Variants in PLBD2 observed in about 807,000 individuals in gnomAD.
PLBD2 encodes putative aminopeptidase PLBD2.
PLBD2 carries 51 observed loss-of-function variants against 68.3 expected under a neutral mutation model. The observed-to-expected ratio is 0.75, with a 90% CI of 0.60 to 0.94. The LOEUF is 0.94. Ranked by LOEUF, PLBD2 falls within the 40% of genes least tolerant of loss-of-function variation. PLBD2 has a pLI of 0.00. For synonymous variants in PLBD2, 314 were observed against 339.3 expected (o/e 0.93, Z 0.82); for missense variants, 729 against 792.2 (o/e 0.92, Z 0.96).
At chr12:113,369,039 T>A (rs1957365057) in intron 1 of PLBD2, 77 bp from the exon 2 acceptor site, 1 of 955,982 alleles carries the variant, frequency 1.0e-6, no homozygotes, top group Admixed American at 2.4e-5. Flanking sequence ...GTTGTTTTCA[T>A]AGTTTAAGCC....
At chr12:113,360,356 G>T (rs1303362647) in intron 1 of PLBD2, among the ~76,000 whole-genome samples, 1 of 152,188 alleles carries the variant, frequency 6.6e-6, no homozygotes. Flanking sequence ...GCAGAATCAA[G>T]AGGACATGAC....
At position 113,374,534 on chromosome 12, in the gene PLBD2, T is replaced by G. The variant is rs1223741084; in HGVS notation, c.604T>G (p.Phe202Val). ...LEDSYEGRVSFPAGKFTIKPL... is the reference protein window; with the variant it reads ...LEDSYEGRVSVPAGKFTIKPL... ...GGACAGCTACGAAGGCCGTGTGAGC[T>G]TCCCAGCTGGGAAGTTCACCATCAA... The change falls in exon 4 of 12, where the codon TTC becomes GTC. Residue 202 changes from phenylalanine to valine, a missense_variant. Coordinates refer to ENST00000280800, the MANE Select transcript of PLBD2 (RefSeq NM_173542.4). 6.2e-7 allele frequency: 1 copy of G among 1,606,230 alleles called. No individual in the cohort carries two copies. Among genetic ancestry groups the G allele is most frequent in the Non-Finnish European group, 8.5e-7 (1 of 1,176,808 alleles).
rs1292840835 is a variant in PLBD2, at chr12:113,372,575, C to T, written c.385-74C>T. 6.6e-7 allele frequency: 1 copy of T among 1,521,404 alleles called. No homozygotes were observed. The highest frequency in any genetic ancestry group is 1.4e-5 in the African/African-American group (1 of 73,118). The allele number at this position is 1,521,404 out of a possible 1,614,324, so 94.2% of individuals were successfully genotyped here. Reference sequence around the variant, plus strand: ...ACCAGCAGCCTCCGCTCTGGGGCAGCCTGGGTGGGGGGCTCTCAGGGAAGA... The same window carrying T: ...ACCAGCAGCCTCCGCTCTGGGGCAGTCTGGGTGGGGGGCTCTCAGGGAAGA... On this transcript the variant is annotated intron_variant, in intron 2 of 11. Coordinates refer to ENST00000280800, the MANE Select transcript of PLBD2 (RefSeq NM_173542.4). The surrounding 1 kb of genome is among the most constrained non-coding windows in gnomAD (Gnocchi z 4.2).
At position 113,388,565 on chromosome 12, in the gene PLBD2, T is replaced by G. The variant is rs1226503932; in HGVS notation, c.1709T>G (p.Leu570Arg). 5 of 1,611,146 alleles carry G rather than the reference T, an allele frequency of 3.1e-6. No individual in the cohort carries two copies. The highest frequency in any genetic ancestry group is 4.2e-6 in the Non-Finnish European group (5 of 1,178,400). Residue 570 changes from leucine to arginine, a missense_variant, in exon 12 of 12, where the codon CTG (leucine) becomes CGG (arginine). Transcript: ENST00000280800. ...FQWSTSPFSG[L>R]LHMGQPDLWK... ...TGGAGCACCTCGCCCTTCAGCGGCC[T>G]GCTGCACATGGGCCAGCCAGACCTC...
intron 9 of PLBD2, among the ~76,000 whole-genome samples, chr12:113,385,777 A>G (rs914635026): frequency 7.9e-5 from 12 of 152,120 alleles, no homozygotes; most frequent in Admixed American, 3.3e-4. Flanking sequence ...TTGAGACAGA[A>G]TCTTGCCCTG....
chr12:113,358,643 C>A lies in PLBD2; in HGVS notation c.43C>A (p.Arg15=). The change falls in exon 1 of 12, where the codon CGG becomes AGG. Residue 15 remains arginine, a synonymous_variant. Transcript: ENST00000280800. The stretch of plus-strand genomic sequence containing the variant: ...CTGCTACCCCGGCAGCCACCTGGCC[C>A]GGGCGCTGACGCGGGCGCTGGCGCT... ...MYCYPGSHLA[R]ALTRALALAL... The A allele has an allele frequency of 6.8e-7, 1 of 1,463,770 alleles. No individual in the cohort carries two copies. Among genetic ancestry groups the A allele is most frequent in the Non-Finnish European group, 9.0e-7 (1 of 1,115,110 alleles). The allele number at this position is 1,463,770 out of a possible 1,614,324, so 90.7% of individuals were successfully genotyped here.
intron 10 of PLBD2, 98 bp from the exon 11 acceptor site, chr12:113,387,646 G>C (rs1174556496): frequency 1.5e-6 from 2 of 1,335,638 alleles, no homozygotes; most frequent in Non-Finnish European, 2.1e-6. Flanking sequence ...CAAGTTGAAG[G>C]CTGGCAGCTG....
chr12:113,372,712 G>A lies in PLBD2; in HGVS notation c.448G>A (p.Gly150Ser), dbSNP rs375998997. ...CTGCGGCCCCTTCGAGTATGAAGTC[G>A]GCTACTGCGAGAGGCTGAAGAGCTT... Reference protein sequence around the residue: ...NYCGPFEYEVGYCERLKSFLE... With the variant: ...NYCGPFEYEVSYCERLKSFLE... The change falls in exon 3 of 12, where the codon GGC becomes AGC. Residue 150 changes from glycine to serine, a missense_variant. Coordinates refer to ENST00000280800, the MANE Select transcript of PLBD2 (RefSeq NM_173542.4). This position sits in a 1 kb window ranked among gnomAD's most constrained non-coding sequence, Gnocchi z 4.2. 311 of 1,614,046 alleles carry A rather than the reference G, an allele frequency of 1.9e-4. 5 individuals are homozygous for A. In the South Asian group the frequency reaches 3.0e-3, roughly 15 times the overall value.
chr12:113,374,324 G>T (rs1241184461), intron 3 of PLBD2, 150 bp from the exon 4 acceptor site: 10 of 608,930 alleles, frequency 1.6e-5, no homozygotes, highest in Non-Finnish European at 1.2e-5. Context: ...GTGGTAGTTT[G>T]GGGGAGTCAA....
rs957967330 is a variant in PLBD2 at position 113,390,317 on chromosome 12, TCACCCATC to T, written c.*1702_*1709del. ...ATCCACCCATCCACCTACCTATTTG[TCACCCATC>T]CACCCATCCATCCATCCAATCACCC... On this transcript the variant is annotated 3_prime_UTR_variant, in exon 12 of 12. Transcript: ENST00000280800. 4 of 151,496 alleles carry T rather than the reference TCACCCATC, an allele frequency of 2.6e-5. No individual in the cohort carries two copies. The highest frequency in any genetic ancestry group is 1.9e-4 in the East Asian group (1 of 5,134). 9.4% of individuals were successfully genotyped at this position (151,496 alleles called of 1,614,324 possible). A position where few individuals can be genotyped will look rare whatever the true frequency, so the allele number is the denominator to read the frequency against.
intron 1 of PLBD2, among the ~76,000 whole-genome samples, chr12:113,363,991 A>G (rs1056671833): frequency 3.3e-5 from 5 of 152,064 alleles, no homozygotes; most frequent in African/African-American, 1.2e-4. Context: ...TTTGAACTTC[A>G]TCTCTGACCT....
In PLBD2 at chr12:113,390,522, T is replaced by C. The variant is rs754823404; in HGVS notation, c.*1896T>C. The stretch of plus-strand genomic sequence containing the variant: ...CCAAACATTTCCATCTGTTTTTCCA[T>C]CCATCTACCCATCCACCCATTCACT... On this transcript the variant is annotated 3_prime_UTR_variant, in exon 12 of 12. Coordinates refer to ENST00000280800, the MANE Select transcript of PLBD2 (RefSeq NM_173542.4). The C allele has an allele frequency of 2.0e-5, 3 of 149,126 alleles. No individual in the cohort carries two copies. Among genetic ancestry groups the C allele is most frequent in the Non-Finnish European group, 4.5e-5 (3 of 67,362 alleles). 9.2% of individuals were successfully genotyped at this position (149,126 alleles called of 1,614,324 possible). A position where few individuals can be genotyped will look rare whatever the true frequency, so the allele number is the denominator to read the frequency against.
rs1269369499 is a variant in PLBD2, at chr12:113,386,814, C to T, written c.1287-123C>T. The T allele has an allele frequency of 7.6e-6, 9 of 1,191,672 alleles. No homozygotes were observed. In the African/African-American group the frequency reaches 1.1e-4, roughly 15 times the overall value. The allele number at this position is 1,191,672 out of a possible 1,614,324, so 73.8% of individuals were successfully genotyped here. Reference sequence around the variant, plus strand: ...GATTACAGGTGTGAGCCACTGCACCCAGCCTGAATGTCGTAGTTGTAAGTA... The same window carrying T: ...GATTACAGGTGTGAGCCACTGCACCTAGCCTGAATGTCGTAGTTGTAAGTA... On this transcript the variant is annotated intron_variant, in intron 9 of 11. Coordinates refer to ENST00000280800, the MANE Select transcript of PLBD2 (RefSeq NM_173542.4).
At chr12:113,360,184 G>T (rs1197430528) in intron 1 of PLBD2, among the ~76,000 whole-genome samples, 1 of 152,166 alleles carries the variant, frequency 6.6e-6, no homozygotes, top group Non-Finnish European at 1.5e-5. Context: ...AGGGGCACTG[G>T]TTGGGGTAAA....
At chr12:113,373,661 C>T (rs1047531910) in intron 3 of PLBD2, among the ~76,000 whole-genome samples, 9 of 151,468 alleles carry the variant, frequency 5.9e-5, no homozygotes, top group Non-Finnish European at 7.4e-5. Flanking sequence ...CTCATCCATC[C>T]GTTCATTTAC....
Position 113,387,817 on chromosome 12 carries a change from A to G in PLBD2, c.1513A>G (p.Ile505Val), listed in dbSNP as rs778286901. ...CCCCCAGCCCAATGGGGAGAATGCT[A>G]TCTCCGCCCGCTCCGACCTCAACCC... is the stretch of plus-strand genomic sequence containing the variant. ...CNPQPNGENA[I>V]SARSDLNPAN... The change falls in exon 11 of 12, where the codon ATC becomes GTC. Residue 505 changes from isoleucine (I) to valine (V), a missense_variant. Physicochemically the swap from Ile to Val is conservative, Grantham distance 29. Coordinates refer to ENST00000280800, the MANE Select transcript of PLBD2 (RefSeq NM_173542.4). The G allele has an allele frequency of 3.1e-6, 5 of 1,613,934 alleles. No individual in the cohort carries two copies. Among genetic ancestry groups the G allele is most frequent in the Non-Finnish European group, 4.2e-6 (5 of 1,179,950 alleles).
At chr12:113,381,128 C>G (rs1957486331) in intron 6 of PLBD2, among the ~76,000 whole-genome samples, 1 of 152,132 alleles carries the variant, frequency 6.6e-6, no homozygotes, top group Non-Finnish European at 1.5e-5. Context: ...TGCAGATGGC[C>G]TGGGACTCTG....
At position 113,372,525 on chromosome 12, in the gene PLBD2, C is replaced by T; in HGVS notation, c.385-124C>T. 9.7e-7 allele frequency: 1 copy of T among 1,027,778 alleles called. No homozygotes were observed. The highest frequency in any genetic ancestry group is 2.1e-5 in the Admixed American group (1 of 46,570). The allele number at this position is 1,027,778 out of a possible 1,614,324, so 63.7% of individuals were successfully genotyped here. ...AGAGGAGCCTCCAGGGAGAGGACAG[C>T]ATGAGCAAGGACTCAGGTGGCCACA... On this transcript the variant is annotated intron_variant, in intron 2 of 11. Coordinates refer to ENST00000280800, the MANE Select transcript of PLBD2 (RefSeq NM_173542.4). This position sits in a 1 kb window ranked among gnomAD's most constrained non-coding sequence, Gnocchi z 4.2.
intron 2 of PLBD2, among the ~76,000 whole-genome samples, chr12:113,370,810 C>T (rs1402155983): frequency 6.6e-6 from 1 of 152,174 alleles, no homozygotes; most frequent in African/African-American, 2.4e-5. Context: ...TTGATGACCA[C>T]TTTACAGAGA....
Sources: gnomAD v4.1 joint callset for allele counts (sites outside exome capture counted in the v4.1 genomes callset) on GRCh38, gnomAD v4.1.1 for gene constraint, Gnocchi (gnomAD v3.1) non-coding constraint, MANE v1.5 for transcripts, NCBI Gene and HGNC (gene_info 2026-07-23, HGNC 2026-07-21) for gene names.